The following ADGRA3 variants were observed in gnomAD, a reference collection of about 807,000 sequenced individuals.
ADGRA3 encodes adhesion G protein-coupled receptor A3.
ADGRA3 carries 56 observed loss-of-function variants against 119.8 expected under a neutral mutation model. That is an observed-to-expected ratio of 0.47 (90% CI 0.38 to 0.58). The LOEUF (loss-of-function observed/expected upper bound fraction) is 0.58, where lower values mean the gene tolerates loss of function less well. Among genes scored for constraint, ADGRA3 ranks in the 20% least tolerant of loss-of-function variants. The pLI is 0.00. For synonymous variants in ADGRA3, 607 were observed against 623.8 expected, an observed-to-expected ratio of 0.97 and a Z score of 0.40; for missense variants, 1,516 against 1,649.0, an observed-to-expected ratio of 0.92 and a Z score of 1.40.
intron 8 of ADGRA3, 41 bp downstream of exon 8, chr4:22,438,215 G>C: frequency 6.4e-7 from 1 of 1,556,434 alleles, no homozygotes; most frequent in Non-Finnish European, 8.8e-7. Context: ...GAAGGATCTG[G>C]GACAAATTAA....
At chr4:22,393,573 G>A (rs1020216968) in intron 16 of ADGRA3, 6 of 152,280 alleles carry the variant, frequency 3.9e-5, no homozygotes, top group Non-Finnish European at 8.8e-5. Flanking sequence ...CCTGCTGGGT[G>A]ATCTGAGCAA....
chr4:22,435,197 T>G lies in ADGRA3; in HGVS notation c.1443+114A>C, dbSNP rs538974892. On this transcript the variant is annotated intron_variant, in intron 10 of 18. Coordinates refer to ENST00000334304, the MANE Select transcript of ADGRA3 (RefSeq NM_145290.4). The stretch of plus-strand genomic sequence containing the variant: ...ATAAAATTCTGGAAATTTAAAAGCA[T>G]GCTTTTAGCTCAAATATGATAAACA... 5.6e-6 allele frequency: 5 copies of G among 896,386 alleles called. No individual in the cohort carries two copies. The South Asian group carries it at 5.6e-5, about 10-fold the overall frequency. 55.5% of individuals were successfully genotyped at this position (896,386 alleles called of 1,614,324 possible). A position where few individuals can be genotyped will look rare whatever the true frequency, so the allele number is the denominator to read the frequency against.
At chr4:22,446,573 T>C (rs920115786) in intron 5 of ADGRA3, among the ~76,000 whole-genome samples, 2 of 152,068 alleles carry the variant, frequency 1.3e-5, no homozygotes, top group African/African-American at 2.4e-5. Flanking sequence ...CCTGCTATGA[T>C]GGTGAGGAGC....
chr4:22,407,954 C>A (rs193062715), intron 14 of ADGRA3, among the ~76,000 whole-genome samples: 93 of 152,074 alleles, frequency 6.1e-4, no homozygotes, highest in Admixed American at 2.5e-3. Flanking sequence ...TCAGGGCATC[C>A]TGTGTGTAAG....
chr4:22,508,908 A>G (rs147196741), intron 1 of ADGRA3, among the ~76,000 whole-genome samples: 106 of 152,214 alleles, frequency 7.0e-4, no homozygotes, highest in Non-Finnish European at 1.2e-3. Context: ...CCCTGCCTAG[A>G]TATCTTTGAG....
In ADGRA3 at chr4:22,438,339, C is replaced by G; in HGVS notation, c.1002G>C (p.Thr334=). Residue 334 remains threonine, a synonymous_variant, in exon 8 of 19, where the codon ACG becomes ACC. Transcript: ENST00000334304. The part of the protein sequence containing the change: ...CHVQTKRGNN[T]RTVDIVVLES... ...CTAATACCACAATATCCACAGTCCT[C>G]GTATTATTCCCACGTTTGGTCTGGA... 1 of 1,612,950 alleles carries G rather than the reference C, an allele frequency of 6.2e-7. No individual in the cohort carries two copies. The highest frequency in any genetic ancestry group is 1.7e-5 in the Admixed American group (1 of 60,000).
At chr4:22,458,114 G>A (rs771995706) in intron 3 of ADGRA3, among the ~76,000 whole-genome samples, 2 of 152,206 alleles carry the variant, frequency 1.3e-5, no homozygotes, top group Non-Finnish European at 2.9e-5. Context: ...AGAATCACTG[G>A]GAGGGATGGT....
At chr4:22,393,028 C>CTT (rs1162697142) in intron 16 of ADGRA3, 49 of 138,808 alleles carry the variant, frequency 3.5e-4, no homozygotes, top group South Asian at 6.9e-4. Context: ...AGTTCATTTT[C>CTT]TTTTTTTTTT....
intron 1 of ADGRA3, among the ~76,000 whole-genome samples, chr4:22,492,019 T>C (rs932235199): frequency 4.6e-5 from 7 of 152,202 alleles, no homozygotes; most frequent in Non-Finnish European, 1.0e-4. Context: ...GGATTTTTGG[T>C]CCTTGCTCTT....
intron 10 of ADGRA3, among the ~76,000 whole-genome samples, chr4:22,425,895 A>G (rs1026986688): frequency 6.6e-6 from 1 of 152,188 alleles, no homozygotes; most frequent in African/African-American, 2.4e-5. Flanking sequence ...AAATACATAG[A>G]TGAGAACAGG....
intron 10 of ADGRA3, among the ~76,000 whole-genome samples, chr4:22,433,735 T>A (rs1446607001): frequency 6.6e-6 from 1 of 152,176 alleles, no homozygotes; most frequent in Admixed American, 6.6e-5. Context: ...ACTAGAAACA[T>A]CCCACTCCCG....
intron 1 of ADGRA3, among the ~76,000 whole-genome samples, chr4:22,480,250 C>T (rs866618953): frequency 1.3e-5 from 2 of 152,118 alleles, no homozygotes; most frequent in Non-Finnish European, 2.9e-5. Flanking sequence ...AAGGGATGTA[C>T]GACAACCTTA....
intron 3 of ADGRA3, among the ~76,000 whole-genome samples, chr4:22,459,521 G>A (rs565732919): frequency 1.3e-5 from 2 of 151,862 alleles, no homozygotes; most frequent in East Asian, 1.9e-4. Context: ...TAAGACAGAC[G>A]ATGTCAAAAG....
chr4:22,439,634 T>C (rs1716530871), intron 7 of ADGRA3, among the ~76,000 whole-genome samples: 1 of 152,196 alleles, frequency 6.6e-6, no homozygotes, highest in Non-Finnish European at 1.5e-5. Flanking sequence ...AAATGTTGTC[T>C]TTACTAAGTT....
In ADGRA3 at chr4:22,515,973, C is replaced by G. The variant is rs1226617036; in HGVS notation, c.-189G>C. 5.3e-6 allele frequency: 1 copy of G among 187,714 alleles called. No individual in the cohort carries two copies. Among genetic ancestry groups the G allele is most frequent in the Non-Finnish European group, 9.9e-6 (1 of 100,700 alleles). The allele number at this position is 187,714 out of a possible 1,614,324, so 11.6% of individuals were successfully genotyped here. A position where few individuals can be genotyped will look rare whatever the true frequency, so the allele number is the denominator to read the frequency against. On this transcript the variant is annotated 5_prime_UTR_variant, in exon 1 of 19. Coordinates refer to ENST00000334304, the MANE Select transcript of ADGRA3 (RefSeq NM_145290.4). ...CGGCTGCGCTGGGCCTCTAGGGAGC[C>G]GGGGGTCACGGCCGCATGGGTCCCA... is the stretch of plus-strand genomic sequence containing the variant.
At position 22,442,090 on chromosome 4, in the gene ADGRA3, G is replaced by A. The variant is rs548510776; in HGVS notation, c.920+560C>T. ...GGAGTGGAAAACTCAATGTCTAAAG[G>A]TAAAAATTTTACCAAAGTAAAATAT... is the stretch of plus-strand genomic sequence containing the variant. On this transcript the variant is annotated intron_variant, in intron 7 of 18. Coordinates refer to ENST00000334304, the MANE Select transcript of ADGRA3 (RefSeq NM_145290.4). Among the ~76,000 whole-genome samples, 9 of 152,062 alleles carry A rather than the reference G, an allele frequency of 5.9e-5. No individual in the cohort carries two copies. The South Asian group carries it at 6.2e-4, about 11-fold the overall frequency.
chr4:22,466,320 G>A (rs1717655492), intron 2 of ADGRA3, among the ~76,000 whole-genome samples: 1 of 152,120 alleles, frequency 6.6e-6, no homozygotes, highest in Non-Finnish European at 1.5e-5. Context: ...CTCTGCACTT[G>A]GGATTCCCTG....
At chr4:22,417,440 G>C (rs1715474943) in intron 12 of ADGRA3, among the ~76,000 whole-genome samples, 1 of 151,914 alleles carries the variant, frequency 6.6e-6, no homozygotes, top group South Asian at 2.1e-4. Flanking sequence ...GCCAGGCACT[G>C]TGGTGAATGT....
chr4:22,423,181 C>G, intron 11 of ADGRA3, among the ~76,000 whole-genome samples: 1 of 149,950 alleles, frequency 6.7e-6, no homozygotes, highest in Non-Finnish European at 1.5e-5. Context: ...GGTGACAGAG[C>G]AAAACTCCAT....
Sources: allele counts gnomAD v4.1 joint callset (sites outside exome capture counted in the v4.1 genomes callset), GRCh38; gene constraint gnomAD v4.1.1; transcripts MANE v1.5; gene names NCBI Gene and HGNC (gene_info 2026-07-23, HGNC 2026-07-21).